The following PCDHGA2 variants were observed in gnomAD, a reference collection of about 807,000 sequenced individuals.
PCDHGA2 encodes protocadherin gamma-A2.
PCDHGA2 carries 40 observed loss-of-function variants against 59.2 expected under a neutral mutation model. That is an observed-to-expected ratio of 0.68 (90% CI 0.52 to 0.88). PCDHGA2 has a LOEUF of 0.88. Among genes scored for constraint, PCDHGA2 ranks in the 40% least tolerant of loss-of-function variants. The probability of loss-of-function intolerance (pLI) is 0.00; values close to 1 mark genes in which losing one functional copy is unlikely to be tolerated. For synonymous variants in PCDHGA2, 560 were observed against 526.0 expected (o/e 1.06, Z -0.89); for missense variants, 1,226 against 1,204.0 (o/e 1.02, Z -0.27).
In PCDHGA2 at chr5:141,407,217, G is replaced by C. The variant is rs181833770; in HGVS notation, c.2424+65822G>C. 5.8e-3 allele frequency among the ~76,000 whole-genome samples: 885 copies of C among 151,964 alleles called. 4 individuals carry two copies. Among genetic ancestry groups the C allele is most frequent in the Non-Finnish European group, 9.1e-3 (620 of 67,966 alleles). ...TCAAACACGTTTTCCCCCTTAAGTG[G>C]GTAGCAAAAAAAATAAAGCATACTT... On this transcript the variant is annotated intron_variant, in intron 1 of 3. Transcript: ENST00000394576.
chr5:141,457,020 C>A (rs2098903789), intron 1 of PCDHGA2, among the ~76,000 whole-genome samples: 1 of 152,086 alleles, frequency 6.6e-6, no homozygotes, highest in Non-Finnish European at 1.5e-5. Flanking sequence ...AATAAAAAGT[C>A]CTAGTAGACT....
chr5:141,382,904 C>G, intron 1 of PCDHGA2: 1 of 1,543,132 alleles, frequency 6.5e-7, no homozygotes, highest in Non-Finnish European at 8.7e-7. Context: ...ACGACTATGG[C>G]GGCTCAGCCG....
rs757157488 is a variant in PCDHGA2 at position 141,477,668 on chromosome 5, A to G, written c.2425-17139A>G. ...TTTCACAATAAATCGTGACAATGGC[A>G]TAGTGTCATCCTTAGTGCCCCTAGA... On this transcript the variant is annotated intron_variant, in intron 1 of 3. Coordinates refer to ENST00000394576, the MANE Select transcript of PCDHGA2 (RefSeq NM_018915.4). The surrounding 1 kb of genome is among the most constrained non-coding windows in gnomAD (Gnocchi z 4.9). 10 of 1,614,104 alleles carry G rather than the reference A, an allele frequency of 6.2e-6. No individual in the cohort carries two copies. Among genetic ancestry groups the G allele is most frequent in the Non-Finnish European group, 8.5e-6 (10 of 1,180,046 alleles).
At position 141,490,785 on chromosome 5, in the gene PCDHGA2, G is replaced by A. The variant is rs1021708826; in HGVS notation, c.2425-4022G>A. 1.2e-6 allele frequency: 2 copies of A among 1,614,066 alleles called. No individual in the cohort carries two copies. Among genetic ancestry groups the A allele is most frequent in the Non-Finnish European group, 1.7e-6 (2 of 1,179,952 alleles). On this transcript the variant is annotated intron_variant, in intron 1 of 3. Coordinates refer to ENST00000394576, the MANE Select transcript of PCDHGA2 (RefSeq NM_018915.4). The surrounding 1 kb of genome is among the most constrained non-coding windows in gnomAD (Gnocchi z 5.4). ...TGTATGTCAACCCAGAGGATGGACG[G>A]ATCTTTGCCCAGCGTACCTTTGACT...
chr5:141,448,903 C>A (rs1460471063), intron 1 of PCDHGA2, among the ~76,000 whole-genome samples: 2 of 152,112 alleles, frequency 1.3e-5, no homozygotes, highest in Non-Finnish European at 2.9e-5. Context: ...CGAGATCGTG[C>A]CACTGCACTC....
At chr5:141,398,895 A>G (rs2093721929) in intron 1 of PCDHGA2, 3 of 1,613,988 alleles carry the variant, frequency 1.9e-6, no homozygotes, top group African/African-American at 1.3e-5. Flanking sequence ...AAAACGTGCC[A>G]CCAGGCACCA....
At chr5:141,406,650 C>T (rs2094835563) in intron 1 of PCDHGA2, among the ~76,000 whole-genome samples, 1 of 152,130 alleles carries the variant, frequency 6.6e-6, no homozygotes, top group Non-Finnish European at 1.5e-5. Context: ...TTTCCTAATG[C>T]TTTAATGTTA....
At position 141,432,266 on chromosome 5, in the gene PCDHGA2, T is replaced by A. The variant is rs1444077446; in HGVS notation, c.2425-62541T>A. The A allele has an allele frequency of 9.3e-6, 15 of 1,614,096 alleles. No individual in the cohort carries two copies. Among genetic ancestry groups the A allele is most frequent in the Admixed American group, 3.3e-5 (2 of 60,010 alleles). The stretch of plus-strand genomic sequence containing the variant: ...CACCATCCAAGGGGCAAGCCTATCG[T>A]CCTACGTGTCCATCAACTCCGACAC... On this transcript the variant is annotated intron_variant, in intron 1 of 3. Transcript: ENST00000394576. The surrounding 1 kb of genome is among the most constrained non-coding windows in gnomAD (Gnocchi z 6.0).
chr5:141,502,866 CTT>C (rs549047197), intron 2 of PCDHGA2, among the ~76,000 whole-genome samples: 3 of 127,996 alleles, frequency 2.3e-5, no homozygotes, highest in Admixed American at 8.6e-5. Flanking sequence ...GACTCTCTGT[CTT>C]TTTTTTTTTT....
intron 1 of PCDHGA2, chr5:141,383,265 A>AAT: frequency 6.2e-7 from 1 of 1,613,948 alleles, no homozygotes; most frequent in African/African-American, 1.3e-5. Flanking sequence ...TAGACGTGGA[A>AAT]ATAATAGATA....
At chr5:141,425,047 A>G (rs1590618154) in intron 1 of PCDHGA2, among the ~76,000 whole-genome samples, 1 of 152,198 alleles carries the variant, frequency 6.6e-6, no homozygotes, top group Non-Finnish European at 1.5e-5. Context: ...TAAACTGACT[A>G]TCTAGGGCTC....
At chr5:141,411,631 C>G (rs570915798) in intron 1 of PCDHGA2, 1 of 151,812 alleles carries the variant, frequency 6.6e-6, no homozygotes, top group South Asian at 2.1e-4. Context: ...TGCTGTAATC[C>G]CAGCACTTTG....
At chr5:141,400,357 T>C (rs769075513) in intron 1 of PCDHGA2, 1 of 1,614,052 alleles carries the variant, frequency 6.2e-7, no homozygotes, top group Non-Finnish European at 8.5e-7. Flanking sequence ...TCAGGGGACT[T>C]TGCCTTATTC....
chr5:141,500,520 T>TA (rs2099801149), intron 2 of PCDHGA2, among the ~76,000 whole-genome samples: 2 of 152,312 alleles, frequency 1.3e-5, no homozygotes, highest in Admixed American at 1.3e-4. Flanking sequence ...AGCTTCATTT[T>TA]AAAAAAATCT....
At chr5:141,345,006 C>T (rs371882850) in intron 1 of PCDHGA2, 1 of 1,613,726 alleles carries the variant, frequency 6.2e-7, no homozygotes, top group Non-Finnish European at 8.5e-7. Flanking sequence ...ACAGGATGGA[C>T]CAGGTCTTCT....
chr5:141,351,324 A>T (rs1474288372), intron 1 of PCDHGA2: 1 of 1,613,722 alleles, frequency 6.2e-7, no homozygotes, highest in Non-Finnish European at 8.5e-7. Flanking sequence ...ATTCCAGAGG[A>T]TTCAGACCTT....
intron 1 of PCDHGA2, among the ~76,000 whole-genome samples, chr5:141,481,675 C>T (rs943204061): frequency 4.0e-5 from 6 of 151,490 alleles, no homozygotes; most frequent in Non-Finnish European, 5.9e-5. Context: ...AAAATCAGGC[C>T]GGGCCTGGTG....
intron 1 of PCDHGA2, chr5:141,423,195 G>A: frequency 1.2e-6 from 2 of 1,613,544 alleles, no homozygotes; most frequent in Non-Finnish European, 8.5e-7. Flanking sequence ...CCCCTCTCTC[G>A]GCCACCGTCA....
In PCDHGA2 at chr5:141,476,073, A is replaced by C. The variant is rs765071344; in HGVS notation, c.2425-18734A>C. On this transcript the variant is annotated intron_variant, in intron 1 of 3. Coordinates refer to ENST00000394576, the MANE Select transcript of PCDHGA2 (RefSeq NM_018915.4). The surrounding 1 kb of genome is among the most constrained non-coding windows in gnomAD (Gnocchi z 7.6). ...GCTGAAAGTTTCTCAGCGAAATCTC[A>C]GGGACGATCTGGACCCCGCTGAGAG... 4 of 1,524,010 alleles carry C rather than the reference A, an allele frequency of 2.6e-6. No individual in the cohort carries two copies. Among genetic ancestry groups the C allele is most frequent in the Admixed American group, 4.2e-5 (2 of 47,746 alleles). The allele number at this position is 1,524,010 out of a possible 1,614,324, so 94.4% of individuals were successfully genotyped here. A position where few individuals can be genotyped will look rare whatever the true frequency, so the allele number is the denominator to read the frequency against.
Sources: gnomAD v4.1 joint callset for allele counts (sites outside exome capture counted in the v4.1 genomes callset) on GRCh38, gnomAD v4.1.1 for gene constraint, Gnocchi (gnomAD v3.1) non-coding constraint, MANE v1.5 for transcripts, NCBI Gene and HGNC (gene_info 2026-07-23, HGNC 2026-07-21) for gene names.